Variants in TMEFF2 observed in about 807,000 individuals in gnomAD.
TMEFF2 encodes transmembrane protein with EGF like and two follistatin like domains 2, also known as tomoregulin-2.
In TMEFF2, 28 loss-of-function variants were observed where a neutral mutation model predicts 53.8. That is an observed-to-expected ratio of 0.52 (90% CI 0.39 to 0.71). TMEFF2 has a LOEUF of 0.71. Among genes scored for constraint, TMEFF2 ranks in the 30% least tolerant of loss-of-function variants. TMEFF2 has a pLI of 0.00. For missense variants in TMEFF2, 353 were observed against 455.2 expected (o/e 0.78, Z 2.04); for synonymous variants, 162 against 166.3 (o/e 0.97, Z 0.20).
At chr2:191,955,167 GAGAGAGGGAGA>G (rs1559058803) in intron 8 of TMEFF2, among the ~76,000 whole-genome samples, 118 of 45,092 alleles carry the variant, frequency 2.6e-3, no homozygotes, top group Non-Finnish European at 5.8e-3. Context: ...AAGAGTGGGA[GAGAGAGGGAGA>G]GAGAGAGAGA....
At chr2:192,093,560 C>G (rs561624209) in intron 4 of TMEFF2, among the ~76,000 whole-genome samples, 1 of 152,258 alleles carries the variant, frequency 6.6e-6, no homozygotes, top group Non-Finnish European at 1.5e-5. Flanking sequence ...AGTGCCAAAT[C>G]TGAATTCCAA....
chr2:192,106,008 G>A (rs914848673), intron 4 of TMEFF2, among the ~76,000 whole-genome samples: 1 of 151,802 alleles, frequency 6.6e-6, no homozygotes, highest in African/African-American at 2.4e-5. Context: ...ATACACATAT[G>A]TCTTGGGAAG....
intron 4 of TMEFF2, among the ~76,000 whole-genome samples, chr2:192,160,049 A>G (rs1247483737): frequency 6.6e-6 from 1 of 152,134 alleles, no homozygotes; most frequent in African/African-American, 2.4e-5. Context: ...GATGTTTTCT[A>G]TTGTGATATT....
chr2:192,125,327 ATC>A (rs1236492183), intron 4 of TMEFF2, among the ~76,000 whole-genome samples: 1 of 152,200 alleles, frequency 6.6e-6, no homozygotes, highest in Non-Finnish European at 1.5e-5. Context: ...TATAAAGTTC[ATC>A]TCTGAGTTCA....
chr2:192,191,744 G>A, intron 2 of TMEFF2, 136 bp downstream of exon 2: 1 of 604,156 alleles, frequency 1.7e-6, no homozygotes. Context: ...TGGCTCTCTT[G>A]CTAGTACTTT....
At chr2:192,172,404 G>A (rs2106025247) in intron 4 of TMEFF2, among the ~76,000 whole-genome samples, 1 of 152,010 alleles carries the variant, frequency 6.6e-6, no homozygotes, top group South Asian at 2.1e-4. Flanking sequence ...AGCCTGTCCA[G>A]GATCAGCAGC....
At chr2:192,149,403 G>A (rs1690332963) in intron 4 of TMEFF2, among the ~76,000 whole-genome samples, 1 of 151,922 alleles carries the variant, frequency 6.6e-6, no homozygotes, top group African/African-American at 2.4e-5. Context: ...GAGGGGGGAG[G>A]AAGAAGGAAT....
At chr2:192,100,059 A>G (rs1689000353) in intron 4 of TMEFF2, among the ~76,000 whole-genome samples, 1 of 152,188 alleles carries the variant, frequency 6.6e-6, no homozygotes, top group Non-Finnish European at 1.5e-5. Context: ...GCTTTAAAAT[A>G]GCCATAAAAA....
Position 192,126,830 on chromosome 2 carries a change from A to AAAAAC in TMEFF2, c.439+52833_439+52837dup, listed in dbSNP as rs1386989334. ...CTACGTGGAGTTGCCTTCTAACTAC[A>AAAAAC]AAAACAAAACAAAACAAACAAACAA... On this transcript the variant is annotated intron_variant, in intron 4 of 9. Transcript: ENST00000272771. 4.8e-3 allele frequency among the ~76,000 whole-genome samples: 710 copies of AAAAAC among 148,660 alleles called. 5 individuals are homozygous for AAAAAC. The highest frequency in any genetic ancestry group is 0.018 in the African/African-American group (688 of 39,136).
chr2:191,971,052 A>G (rs1435432845), intron 7 of TMEFF2, among the ~76,000 whole-genome samples: 2 of 152,194 alleles, frequency 1.3e-5, no homozygotes, highest in Admixed American at 1.3e-4. Context: ...GTTTTGAACA[A>G]CTGACTTGCT....
At chr2:192,136,419 A>G (rs1427376064) in intron 4 of TMEFF2, among the ~76,000 whole-genome samples, 1 of 152,208 alleles carries the variant, frequency 6.6e-6, no homozygotes, top group Non-Finnish European at 1.5e-5. Flanking sequence ...TCTCAACTCT[A>G]GGACATACTG....
chr2:192,081,629 T>C (rs778737439), intron 4 of TMEFF2, among the ~76,000 whole-genome samples: 13 of 152,128 alleles, frequency 8.5e-5, no homozygotes, highest in Non-Finnish European at 1.8e-4. Context: ...AAACTCCTAA[T>C]GCTTTTTAAC....
At chr2:191,953,227 T>C (rs1691942713) in intron 9 of TMEFF2, among the ~76,000 whole-genome samples, 2 of 152,218 alleles carry the variant, frequency 1.3e-5, no homozygotes, top group South Asian at 2.1e-4. Context: ...GAATTTGATA[T>C]AAAAGGTTGT....
intron 4 of TMEFF2, among the ~76,000 whole-genome samples, chr2:192,139,971 C>A (rs1291669275): frequency 6.6e-6 from 1 of 152,084 alleles, no homozygotes; most frequent in African/African-American, 2.4e-5. Flanking sequence ...TCAGCAACGT[C>A]TTAGCTGAAA....
intron 4 of TMEFF2, among the ~76,000 whole-genome samples, chr2:192,148,046 T>C (rs1016525477): frequency 2.0e-5 from 3 of 152,070 alleles, no homozygotes; most frequent in Admixed American, 2.0e-4. Flanking sequence ...TTGCTTGTAA[T>C]GAGTGGAAAG....
At chr2:192,085,171 A>T (rs77021875) in intron 4 of TMEFF2, among the ~76,000 whole-genome samples, 312 of 152,202 alleles carry the variant, frequency 2.0e-3, no homozygotes, top group Admixed American at 3.9e-3. Flanking sequence ...AATTTACATG[A>T]TGTTAATACT....
intron 4 of TMEFF2, among the ~76,000 whole-genome samples, chr2:192,104,717 C>T (rs1689106692): frequency 6.6e-6 from 1 of 151,836 alleles, no homozygotes; most frequent in African/African-American, 2.4e-5. Flanking sequence ...TCCTTAGAGC[C>T]TTTCATTACA....
chr2:191,971,508 C>G (rs1692638060), intron 7 of TMEFF2, among the ~76,000 whole-genome samples: 1 of 152,174 alleles, frequency 6.6e-6, no homozygotes, highest in South Asian at 2.1e-4. Context: ...GAGCCCCTCA[C>G]TTTTGCTTTG....
In TMEFF2 at chr2:192,174,149, T is replaced by C. The variant is rs562213766; in HGVS notation, c.439+5519A>G. ...TCATAATCCAAAGCCATTTCTATCA[T>C]ACTACACACAATGATTAACTTTCTT... On this transcript the variant is annotated intron_variant, in intron 4 of 9. Transcript: ENST00000272771. Among the ~76,000 whole-genome samples, 3 of 151,898 alleles carry C rather than the reference T, an allele frequency of 2.0e-5. No individual in the cohort carries two copies. In the South Asian group the frequency reaches 6.2e-4, roughly 31 times the overall value.
Sources: gnomAD v4.1 joint callset for allele counts (sites outside exome capture counted in the v4.1 genomes callset) on GRCh38, gnomAD v4.1.1 for gene constraint, MANE v1.5 for transcripts, NCBI Gene and HGNC (gene_info 2026-07-23, HGNC 2026-07-21) for gene names.